The following OOEP variants were observed in gnomAD, a reference collection of about 807,000 sequenced individuals.
The protein encoded by OOEP is oocyte expressed protein, also known as oocyte-expressed protein homolog.
Under a neutral mutation model 13.7 loss-of-function variants are expected in OOEP, and 16 were observed. The ratio of observed to expected loss-of-function variants is 1.16; its 90% CI spans 0.79 to 1.77. The LOEUF (loss-of-function observed/expected upper bound fraction) is 1.77. Among genes scored for constraint, OOEP ranks in the 40% most tolerant of loss-of-function variants. The pLI, the probability that OOEP is intolerant of heterozygous loss-of-function variation, is 0.00. For missense variants in OOEP, 195 were observed against 193.1 expected (o/e 1.01, Z -0.06); for synonymous variants, 89 against 77.1 (o/e 1.15, Z -0.81).
intron 2 of OOEP, among the ~76,000 whole-genome samples, chr6:73,393,429 C>G (rs150629985): frequency 9.7e-4 from 148 of 152,324 alleles, no homozygotes; most frequent in African/African-American, 3.4e-3. Context: ...AGATCCTAAT[C>G]AAAGGAGTGC....
rs566182412 is a variant in OOEP, at chr6:73,375,008, G to A, written c.26-5623C>T. ...TTCCCGGCTAATTTTTGTACTTTTA[G>A]TAGAGACGGGGTTTCGCCATGTTGG... On this transcript the variant is annotated intron_variant, in intron 2 of 3. Transcript: ENST00000370363. Among the ~76,000 whole-genome samples, 4 of 151,968 alleles carry A rather than the reference G, an allele frequency of 2.6e-5. No homozygotes were observed. In the East Asian group the frequency reaches 5.9e-4, roughly 22 times the overall value.
At chr6:73,370,058 GCT>G, upstream of OOEP, 1 of 496,392 alleles carries the variant, frequency 2.0e-6, no homozygotes, top group Admixed American at 3.6e-5. Context: ...GGTCTCCAAT[GCT>G]CTCCTTCGTC....
chr6:73,383,049 G>A (rs979893783), intron 2 of OOEP, among the ~76,000 whole-genome samples: 1 of 151,886 alleles, frequency 6.6e-6, no homozygotes, highest in African/African-American at 2.4e-5. Flanking sequence ...CTGTTGGCCA[G>A]GTTGGTCTCA....
chr6:73,381,699 G>A (rs562404292), intron 2 of OOEP, among the ~76,000 whole-genome samples: 1 of 152,144 alleles, frequency 6.6e-6, no homozygotes, highest in Non-Finnish European at 1.5e-5. Context: ...TAAAAAACCA[G>A]GCTGGGCGCG....
upstream of OOEP, chr6:73,373,372 T>C: frequency 2.7e-6 from 3 of 1,103,574 alleles, no homozygotes; most frequent in African/African-American, 1.5e-5. Context: ...TCACCCAGGC[T>C]AGAGTGCAGT....
exon 1 of OOEP, chr6:73,394,997 C>T (rs139171514): frequency 1.2e-6 from 2 of 1,614,252 alleles, no homozygotes; most frequent in Non-Finnish European, 1.7e-6. Flanking sequence ...GAGAGGAGGC[C>T]GGCGGAGGAG....
chr6:73,395,024 C>G, exon 1 of OOEP: 1 of 1,614,226 alleles, frequency 6.2e-7, no homozygotes, highest in Non-Finnish European at 8.5e-7. Context: ...CGAACAGGTC[C>G]TGAGGGATAT....
At chr6:73,373,326 CTTTT>C, upstream of OOEP, 2 of 1,476,442 alleles carry the variant, frequency 1.4e-6, no homozygotes, top group Non-Finnish European at 1.9e-6. Flanking sequence ...TCCTTCTCTT[CTTTT>C]GTTTTCTTTT....
At chr6:73,384,136 G>T (rs1769238762) in intron 2 of OOEP, among the ~76,000 whole-genome samples, 1 of 151,964 alleles carries the variant, frequency 6.6e-6, no homozygotes, top group Non-Finnish European at 1.5e-5. Flanking sequence ...TGAATGAATG[G>T]AGGACCAGAT....
upstream of OOEP, among the ~76,000 whole-genome samples, chr6:73,373,603 T>C (rs1769094206): frequency 6.6e-6 from 1 of 152,178 alleles, no homozygotes; most frequent in Non-Finnish European, 1.5e-5. Flanking sequence ...TTTATTTATT[T>C]ATTTAGAGAC....
At chr6:73,393,154 A>G (rs1026499532) in intron 2 of OOEP, among the ~76,000 whole-genome samples, 1 of 151,500 alleles carries the variant, frequency 6.6e-6, no homozygotes, top group Non-Finnish European at 1.5e-5. Flanking sequence ...TCTGTTGCCC[A>G]GACTGGAGTG....
chr6:73,377,708 C>T (rs1237290017), intron 2 of OOEP, among the ~76,000 whole-genome samples: 3 of 152,138 alleles, frequency 2.0e-5, no homozygotes, highest in Non-Finnish European at 4.4e-5. Flanking sequence ...TACTCTGTCA[C>T]CTAGACGGGA....
Position 73,388,479 on chromosome 6 carries a change from T to C in OOEP, c.25+5867A>G, listed in dbSNP as rs997322355. Among the ~76,000 whole-genome samples the C allele has an allele frequency of 2.0e-5, 3 of 152,324 alleles. No homozygotes were observed. The South Asian group carries it at 6.2e-4, about 32-fold the overall frequency. ...AGTGAACACGTTAATTCTAAGATCATCTTAAAGCCAAAGTTATTTATCCTA... is the reference window on the plus strand; with the variant it reads ...AGTGAACACGTTAATTCTAAGATCACCTTAAAGCCAAAGTTATTTATCCTA... On this transcript the variant is annotated intron_variant, in intron 2 of 3. Transcript: ENST00000370363.
chr6:73,373,232 C>T (rs183555492), upstream of OOEP: 90 of 1,612,856 alleles, frequency 5.6e-5, no homozygotes, highest in East Asian at 1.5e-3. Context: ...GGCCAGGAAT[C>T]GCTTAATCCT....
exon 2 of OOEP, chr6:73,394,462 C>G (rs1769410132): frequency 1.5e-6 from 1 of 686,846 alleles, no homozygotes; most frequent in Admixed American, 2.3e-5. Flanking sequence ...TCAAGACCTG[C>G]CTGGGCAACA....
intron 2 of OOEP, among the ~76,000 whole-genome samples, chr6:73,388,668 T>A (rs1454118507): frequency 6.6e-6 from 1 of 152,186 alleles, no homozygotes; most frequent in East Asian, 1.9e-4. Flanking sequence ...AGTACTGGGC[T>A]CCTCTGACTT....
intron 2 of OOEP, among the ~76,000 whole-genome samples, chr6:73,376,936 G>A (rs1321991016): frequency 6.6e-6 from 1 of 152,206 alleles, no homozygotes; most frequent in Non-Finnish European, 1.5e-5. Flanking sequence ...ACAGGCGTGA[G>A]CCACTGCACC....
intron 2 of OOEP, among the ~76,000 whole-genome samples, chr6:73,378,667 A>G (rs1032521161): frequency 1.3e-5 from 2 of 151,646 alleles, no homozygotes; most frequent in South Asian, 2.1e-4. Context: ...GTTTGAGACC[A>G]GCCTGGCCAA....
chr6:73,368,712 A>C lies in OOEP; in HGVS notation c.*72T>G, dbSNP rs1263858033. ...AGGAATACGGGGATTTAAGAATGCT[A>C]TACTTGCTTTTCTTCAACTTTAGCA... On this transcript the variant is annotated 3_prime_UTR_variant, in exon 3 of 3. Coordinates refer to ENST00000370359, the MANE Select transcript of OOEP (RefSeq NM_001080507.3). The C allele has an allele frequency of 4.1e-6, 4 of 986,546 alleles. No individual in the cohort carries two copies. The highest frequency in any genetic ancestry group is 6.5e-6 in the Non-Finnish European group (4 of 615,366). 61.1% of individuals were successfully genotyped at this position (986,546 alleles called of 1,614,324 possible).
Sources: allele counts gnomAD v4.1 joint callset (sites outside exome capture counted in the v4.1 genomes callset), GRCh38; gene constraint gnomAD v4.1.1; transcripts MANE v1.5; gene names NCBI Gene and HGNC (gene_info 2026-07-23, HGNC 2026-07-21).